The following MGAT4C variants were observed in gnomAD, a reference collection of about 807,000 sequenced individuals.
The protein encoded by MGAT4C is alpha-1,3-mannosyl-glycoprotein 4-beta-N-acetylglucosaminyltransferase C.
Under a neutral mutation model 40.1 loss-of-function variants are expected in MGAT4C, and 19 were observed. That is an observed-to-expected ratio of 0.47 (90% confidence interval 0.33 to 0.70). MGAT4C has a LOEUF of 0.70. MGAT4C is among the 30% of genes least tolerant of loss of function. MGAT4C has a pLI of 0.02. For synonymous variants in MGAT4C, 181 were observed against 187.1 expected, an observed-to-expected ratio of 0.97 and a Z score of 0.27; for missense variants, 491 against 563.2, an observed-to-expected ratio of 0.87 and a Z score of 1.30.
chr12:86,625,905 AT>A (rs1249132521), intron 2 of MGAT4C, among the ~76,000 whole-genome samples: 1 of 152,190 alleles, frequency 6.6e-6, no homozygotes, highest in African/African-American at 2.4e-5. Flanking sequence ...ATGACATTAA[AT>A]GTAAATGGAC....
At chr12:86,768,236 G>T (rs1021924852) in intron 1 of MGAT4C, among the ~76,000 whole-genome samples, 1 of 152,132 alleles carries the variant, frequency 6.6e-6, no homozygotes, top group East Asian at 1.9e-4. Context: ...GACAAACAGA[G>T]AGCTAAATCA....
intron 2 of MGAT4C, among the ~76,000 whole-genome samples, chr12:86,640,832 C>G (rs1350754905): frequency 6.6e-6 from 1 of 151,828 alleles, no homozygotes; most frequent in African/African-American, 2.4e-5. Flanking sequence ...CAAAGAACAC[C>G]TTTATTTCTG....
intron 1 of MGAT4C, among the ~76,000 whole-genome samples, chr12:86,089,770 T>C (rs1872557002): frequency 1.3e-5 from 2 of 151,736 alleles, no homozygotes; most frequent in South Asian, 4.1e-4. Context: ...TTAGGTGTGT[T>C]TCTCCTTGGC....
Position 86,229,175 on chromosome 12 carries a change from G to C in MGAT4C, c.-57+27064C>G, listed in dbSNP as rs186172053. 2.1e-3 allele frequency among the ~76,000 whole-genome samples: 321 copies of C among 151,942 alleles called. 1 individual carries two copies. The highest frequency in any genetic ancestry group is 7.3e-3 in the African/African-American group (305 of 41,516). ...ATTAATAATTAATTTTACTATAGCTGTTCTCTCTCAATGATATAGGTAATT... is the reference window on the plus strand; with the variant it reads ...ATTAATAATTAATTTTACTATAGCTCTTCTCTCTCAATGATATAGGTAATT... On this transcript the variant is annotated intron_variant, in intron 1 of 4. Coordinates refer to ENST00000611864, the MANE Select transcript of MGAT4C (RefSeq NM_001351288.2).
At chr12:86,091,636 C>G (rs1293679138) in intron 1 of MGAT4C, among the ~76,000 whole-genome samples, 1 of 151,998 alleles carries the variant, frequency 6.6e-6, no homozygotes, top group Admixed American at 6.6e-5. Context: ...GATTGAAAGT[C>G]ATAGCTTTAT....
At chr12:86,390,441 A>G (rs1020121586) in intron 3 of MGAT4C, among the ~76,000 whole-genome samples, 1 of 152,190 alleles carries the variant, frequency 6.6e-6, no homozygotes, top group Non-Finnish European at 1.5e-5. Context: ...CTGGGAAAAT[A>G]TTTATGGAAA....
In MGAT4C at chr12:86,792,697, C is replaced by T. The variant is rs1172771768; in HGVS notation, c.-262+45969G>A. The stretch of plus-strand genomic sequence containing the variant: ...CTGTAATCCCAGCACTTTGGGAGGC[C>T]GAGGCGGGTGGATCACCTGAGGTCA... On this transcript the variant is annotated intron_variant, in intron 1 of 7. Coordinates refer to the MGAT4C transcript ENST00000548651. Among the ~76,000 whole-genome samples the T allele has an allele frequency of 2.6e-5, 4 of 151,934 alleles. 1 individual carries two copies. The highest frequency in any genetic ancestry group is 9.7e-5 in the African/African-American group (4 of 41,354).
chr12:86,137,883 A>G (rs1329941879), intron 1 of MGAT4C, among the ~76,000 whole-genome samples: 2 of 152,134 alleles, frequency 1.3e-5, no homozygotes, highest in East Asian at 1.9e-4. Flanking sequence ...ACCCTATGAG[A>G]GTATAAAAGT....
intron 3 of MGAT4C, among the ~76,000 whole-genome samples, chr12:86,387,458 A>G (rs1323513338): frequency 2.0e-5 from 3 of 151,986 alleles, no homozygotes; most frequent in Non-Finnish European, 2.9e-5. Context: ...CAAAGCATTC[A>G]TTTTTCTGTA....
At chr12:86,742,750 C>G (rs1176205995) in intron 1 of MGAT4C, among the ~76,000 whole-genome samples, 4 of 151,284 alleles carry the variant, frequency 2.6e-5, no homozygotes, top group Admixed American at 6.6e-5. Context: ...TTCAGAGCCT[C>G]TTAATATAAT....
At chr12:86,015,367 G>A (rs1259033990) in intron 2 of MGAT4C, among the ~76,000 whole-genome samples, 1 of 152,084 alleles carries the variant, frequency 6.6e-6, no homozygotes, top group African/African-American at 2.4e-5. Context: ...AGCTGTTTGT[G>A]CTGTGGTCAT....
intron 1 of MGAT4C, among the ~76,000 whole-genome samples, chr12:86,820,208 GGCAATTTTCTACTTT>G (rs1315051348): frequency 6.7e-6 from 1 of 150,202 alleles, no homozygotes; most frequent in African/African-American, 2.4e-5. Context: ...TATTATAATG[GGCAATTTTCTACTTT>G]TATAACATAG....
chr12:86,091,408 A>G (rs1268624158), intron 1 of MGAT4C, among the ~76,000 whole-genome samples: 1 of 152,028 alleles, frequency 6.6e-6, no homozygotes, highest in African/African-American at 2.4e-5. Context: ...TTTGTTTTTT[A>G]TGAAGCATTA....
intron 2 of MGAT4C, among the ~76,000 whole-genome samples, chr12:86,659,858 A>T (rs1210253569): frequency 6.6e-6 from 1 of 151,896 alleles, no homozygotes; most frequent in Admixed American, 6.6e-5. Flanking sequence ...GCATTCTACT[A>T]CAAAACCATC....
intron 1 of MGAT4C, among the ~76,000 whole-genome samples, chr12:86,807,681 G>C (rs1306976705): frequency 6.6e-6 from 1 of 152,088 alleles, no homozygotes; most frequent in Non-Finnish European, 1.5e-5. Context: ...TCTGGTTCTA[G>C]ATCTTTGGGG....
At chr12:86,782,438 C>T (rs987445148) in intron 1 of MGAT4C, among the ~76,000 whole-genome samples, 1 of 152,002 alleles carries the variant, frequency 6.6e-6, no homozygotes, top group African/African-American at 2.4e-5. Context: ...GCCTCGGCCT[C>T]CTAAAGTGCT....
intron 1 of MGAT4C, among the ~76,000 whole-genome samples, chr12:86,737,203 A>G (rs1255110060): frequency 1.3e-5 from 2 of 151,298 alleles, no homozygotes; most frequent in Admixed American, 6.6e-5. Context: ...TTTTATCCCC[A>G]CAGCTCCAGC....
chr12:86,635,103 G>C (rs369744248), intron 2 of MGAT4C, among the ~76,000 whole-genome samples: 7 of 152,164 alleles, frequency 4.6e-5, no homozygotes, highest in Non-Finnish European at 1.5e-5. Context: ...TGCTTCCACT[G>C]TTAGGTCATC....
chr12:86,264,055 T>G (rs1012235526), intron 4 of MGAT4C, among the ~76,000 whole-genome samples: 2 of 149,482 alleles, frequency 1.3e-5, no homozygotes, highest in Non-Finnish European at 2.9e-5. Context: ...GGTGGGTTAT[T>G]TGAGTTCTTT....
Sources: allele counts gnomAD v4.1 joint callset (sites outside exome capture counted in the v4.1 genomes callset), GRCh38; gene constraint gnomAD v4.1.1; transcripts MANE v1.5; gene names NCBI Gene and HGNC (gene_info 2026-07-23, HGNC 2026-07-21).